Variants in NCAM2 observed in about 807,000 individuals in gnomAD.
The protein encoded by NCAM2 is N-CAM-2.
A neutral mutation model predicts 98.1 loss-of-function variants in NCAM2; 30 were observed. The ratio of observed to expected loss-of-function variants is 0.31; its 90% CI spans 0.23 to 0.41. The LOEUF is 0.41. Among genes scored for constraint, NCAM2 ranks in the 10% least tolerant of loss-of-function variants. The pLI is 1.00. For synonymous variants in NCAM2, 368 were observed against 342.4 expected (o/e 1.07, Z -0.83); for missense variants, 867 against 1,005.8 (o/e 0.86, Z 1.87).
intron 1 of NCAM2, among the ~76,000 whole-genome samples, chr21:21,163,406 T>C (rs2146793893): frequency 1.3e-5 from 2 of 152,292 alleles, no homozygotes; most frequent in South Asian, 2.1e-4. Flanking sequence ...TCTGGCCTTC[T>C]TCTCTGCTTT....
chr21:21,338,331 G>A (rs2074933874), intron 7 of NCAM2, 58 bp from the exon 8 acceptor site: 3 of 1,504,516 alleles, frequency 2.0e-6, no homozygotes, highest in Admixed American at 1.8e-5. Context: ...CATGACTTTT[G>A]TCTGAGAAGT....
At chr21:21,141,779 A>T (rs1441175041) in intron 1 of NCAM2, among the ~76,000 whole-genome samples, 4 of 152,166 alleles carry the variant, frequency 2.6e-5, no homozygotes, top group African/African-American at 9.7e-5. Context: ...CCTAGGCTGT[A>T]TATCTACTGC....
At chr21:21,524,020 G>C (rs750964825) in intron 16 of NCAM2, among the ~76,000 whole-genome samples, 3 of 147,156 alleles carry the variant, frequency 2.0e-5, no homozygotes, top group Admixed American at 1.4e-4. Context: ...AAAAAAACGA[G>C]ACCCAACCAG....
At position 21,504,956 on chromosome 21, in the gene NCAM2, T is replaced by A. The variant is rs1346116731; in HGVS notation, c.2078-3895T>A. ...ACAAATAATCCAATTATACTTTTAG[T>A]TATTTTTAAATGTATAATTATTATT... On this transcript the variant is annotated intron_variant, in intron 15 of 17. Transcript: ENST00000400546. Among the ~76,000 whole-genome samples, 4 of 152,042 alleles carry A rather than the reference T, an allele frequency of 2.6e-5. No homozygotes were observed. The South Asian group carries it at 6.2e-4, about 24-fold the overall frequency.
intron 1 of NCAM2, among the ~76,000 whole-genome samples, chr21:21,208,789 T>A (rs2069536809): frequency 6.6e-6 from 1 of 152,176 alleles, no homozygotes; most frequent in Admixed American, 6.5e-5. Flanking sequence ...AAACTCCCAA[T>A]ATAATTTTCC....
chr21:21,388,321 T>C (rs1177578237), intron 9 of NCAM2, among the ~76,000 whole-genome samples: 2 of 152,172 alleles, frequency 1.3e-5, no homozygotes. Context: ...ACATATATGC[T>C]TGTGGGTGAA....
chr21:21,315,160 A>G (rs186769746), intron 5 of NCAM2, among the ~76,000 whole-genome samples: 112 of 152,246 alleles, frequency 7.4e-4, no homozygotes, highest in Middle Eastern at 3.4e-3. Context: ...CGCCATTTTC[A>G]TTACCTTTCA....
intron 9 of NCAM2, chr21:21,385,630 C>T: frequency 7.8e-7 from 1 of 1,287,672 alleles, no homozygotes; most frequent in Non-Finnish European, 1.0e-6. Context: ...GGCATTCTTC[C>T]AGTTCATTTT....
intron 1 of NCAM2, among the ~76,000 whole-genome samples, chr21:21,269,919 T>C (rs2072430498): frequency 6.6e-6 from 1 of 152,188 alleles, no homozygotes; most frequent in South Asian, 2.1e-4. Context: ...ACCTTCTGAC[T>C]GAACCTTTAT....
chr21:21,136,452 C>A (rs564845889), intron 1 of NCAM2, among the ~76,000 whole-genome samples: 3 of 139,898 alleles, frequency 2.1e-5, no homozygotes, highest in Admixed American at 7.2e-5. Flanking sequence ...TTGTACTCTA[C>A]TCAATTTATC....
intron 1 of NCAM2, among the ~76,000 whole-genome samples, chr21:21,000,067 A>G (rs1185336508): frequency 2.0e-5 from 3 of 152,250 alleles, no homozygotes; most frequent in South Asian, 4.1e-4. Context: ...AAAATTGCAG[A>G]TATGTCCATC....
At chr21:21,515,697 TA>T (rs983946743) in intron 16 of NCAM2, among the ~76,000 whole-genome samples, 69 of 152,274 alleles carry the variant, frequency 4.5e-4, no homozygotes, top group African/African-American at 1.5e-3. Flanking sequence ...AAATCCAATA[TA>T]TTATGGACAT....
rs559978736 is a variant in NCAM2 at position 21,132,261 on chromosome 21, T to C, written c.55+133643T>C. Among the ~76,000 whole-genome samples, 9 of 152,260 alleles carry C rather than the reference T, an allele frequency of 5.9e-5. No homozygotes were observed. The East Asian group carries it at 1.5e-3, about 26-fold the overall frequency. On this transcript the variant is annotated intron_variant, in intron 1 of 17. Transcript: ENST00000400546. ...TCTCTCTGACTTCTGCTTCTGTGGT[T>C]ACATAGCCTTCCCTGACTCCCACCC...
intron 1 of NCAM2, among the ~76,000 whole-genome samples, chr21:21,029,019 C>A (rs111508344): frequency 1.3e-5 from 2 of 151,968 alleles, no homozygotes; most frequent in African/African-American, 2.4e-5. Context: ...CAAACAGAGC[C>A]GTTTTTAAAC....
chr21:21,467,315 ACAT>A (rs942975093), intron 13 of NCAM2, among the ~76,000 whole-genome samples: 5 of 150,364 alleles, frequency 3.3e-5, no homozygotes, highest in Non-Finnish European at 7.4e-5. Flanking sequence ...ATGTGAGAAA[ACAT>A]AATAAATACG....
At chr21:21,452,965 TA>T in intron 12 of NCAM2, among the ~76,000 whole-genome samples, 1 of 31,564 alleles carries the variant, frequency 3.2e-5, no homozygotes, top group Non-Finnish European at 6.1e-5. Flanking sequence ...TATTATATAT[TA>T]TATATTATTA....
intron 12 of NCAM2, among the ~76,000 whole-genome samples, chr21:21,458,002 A>G (rs1982403642): frequency 6.6e-6 from 1 of 152,182 alleles, no homozygotes; most frequent in Non-Finnish European, 1.5e-5. Context: ...TTTCCAGACA[A>G]TGGAGGAATG....
Position 21,052,308 on chromosome 21 carries a change from C to T in NCAM2, c.55+53690C>T, listed in dbSNP as rs573794624. Among the ~76,000 whole-genome samples the T allele has an allele frequency of 1.4e-3, 209 of 152,100 alleles. 1 individual carries two copies. The highest frequency in any genetic ancestry group is 4.0e-3 in the African/African-American group (167 of 41,494). On this transcript the variant is annotated intron_variant, in intron 1 of 17. Transcript: ENST00000400546. Reference sequence around the variant, plus strand: ...CCTCCTGAGGAGCTGGGACTACAGGCGCCCGCCACCACGCCTGGCTAATTT... The same window carrying T: ...CCTCCTGAGGAGCTGGGACTACAGGTGCCCGCCACCACGCCTGGCTAATTT...
intron 14 of NCAM2, among the ~76,000 whole-genome samples, chr21:21,470,170 A>G (rs1984255747): frequency 6.6e-6 from 1 of 152,092 alleles, no homozygotes; most frequent in African/African-American, 2.4e-5. Flanking sequence ...GATGTAATCA[A>G]AAATATTTCT....
Sources: gnomAD v4.1 joint callset for allele counts (sites outside exome capture counted in the v4.1 genomes callset) on GRCh38, gnomAD v4.1.1 for gene constraint, MANE v1.5 for transcripts, NCBI Gene and HGNC (gene_info 2026-07-23, HGNC 2026-07-21) for gene names.